Variants in CSMD1 observed in about 807,000 individuals in gnomAD.
CSMD1 encodes the protein CUB and Sushi multiple domains 1.
A neutral mutation model predicts 417.5 loss-of-function variants in CSMD1; 213 were observed. The observed-to-expected ratio is 0.51, with a 90% confidence interval of 0.46 to 0.57. The LOEUF is 0.57. Among genes scored for constraint, CSMD1 ranks in the 20% least tolerant of loss-of-function variants. The pLI is 0.00. For synonymous variants in CSMD1, 2,862 were observed against 1,736.8 expected, an observed-to-expected ratio of 1.65 and a Z score of -16.11; for missense variants, 6,923 against 4,529.7, an observed-to-expected ratio of 1.53 and a Z score of -15.17.
rs577760812 is a variant in CSMD1, at chr8:3,203,354, G to A, written c.4985-1629C>T. ...TGAGTCCCAGTGAGCAAACTCAATT[G>A]CCAAGAGAGAAAAGCTGTTCACTGC... On this transcript the variant is annotated intron_variant, in intron 31 of 69. Transcript: ENST00000635120. Among the ~76,000 whole-genome samples the A allele has an allele frequency of 4.5e-4, 69 of 152,208 alleles. 1 individual carries two copies. In the South Asian group the frequency reaches 0.014, roughly 31 times the overall value.
At chr8:3,884,964 G>C (rs901032110) in intron 5 of CSMD1, among the ~76,000 whole-genome samples, 2 of 149,036 alleles carry the variant, frequency 1.3e-5, no homozygotes, top group African/African-American at 2.5e-5. Flanking sequence ...CACACATTCA[G>C]AAGGCATCAT....
chr8:3,100,282 G>T (rs1332710118), intron 46 of CSMD1, among the ~76,000 whole-genome samples: 1 of 152,216 alleles, frequency 6.6e-6, no homozygotes. Flanking sequence ...TCCAACTCCT[G>T]GGCTCAAGCA....
chr8:3,553,124 G>GAAA (rs750104487), intron 10 of CSMD1, among the ~76,000 whole-genome samples: 2 of 146,362 alleles, frequency 1.4e-5, no homozygotes, highest in African/African-American at 2.5e-5. Flanking sequence ...TGGACAAGGA[G>GAAA]AAAAAAAAAA....
At chr8:2,997,695 T>C (rs76215231) in intron 54 of CSMD1, among the ~76,000 whole-genome samples, 3 of 152,158 alleles carry the variant, frequency 2.0e-5, no homozygotes, top group Non-Finnish European at 2.9e-5. Context: ...ATTAGAAGCA[T>C]AATGGCCCCC....
chr8:3,901,636 G>A (rs1310746036), intron 5 of CSMD1, among the ~76,000 whole-genome samples: 1 of 152,192 alleles, frequency 6.6e-6, no homozygotes, highest in African/African-American at 2.4e-5. Flanking sequence ...AAGTAAAACA[G>A]TATCTGGCTC....
At chr8:3,358,070 G>A (rs1808912676) in intron 21 of CSMD1, among the ~76,000 whole-genome samples, 1 of 152,158 alleles carries the variant, frequency 6.6e-6, no homozygotes, top group Non-Finnish European at 1.5e-5. Flanking sequence ...AAGAGATTCT[G>A]CACCATGGTA....
At chr8:3,415,501 G>A (rs778561702) in intron 12 of CSMD1, among the ~76,000 whole-genome samples, 5 of 152,148 alleles carry the variant, frequency 3.3e-5, no homozygotes, top group Non-Finnish European at 7.3e-5. Flanking sequence ...GGGATTATAC[G>A]CATGCATCAT....
chr8:3,206,359 T>G (rs1797260285), intron 30 of CSMD1, among the ~76,000 whole-genome samples: 1 of 130,142 alleles, frequency 7.7e-6, no homozygotes, highest in African/African-American at 3.0e-5. Context: ...TGTGTGTATG[T>G]GTGTATTGGG....
At chr8:4,787,371 T>G (rs1334188819) in intron 1 of CSMD1, 1 of 730,822 alleles carries the variant, frequency 1.4e-6, no homozygotes, top group Non-Finnish European at 2.5e-6. Context: ...TAAAAAATTG[T>G]ATGAGGGTAA....
At chr8:3,513,362 G>A (rs1042125481) in intron 10 of CSMD1, among the ~76,000 whole-genome samples, 1 of 149,216 alleles carries the variant, frequency 6.7e-6, no homozygotes, top group African/African-American at 2.5e-5. Context: ...TTGAGATGGA[G>A]TCTTACTTTG....
At position 4,611,511 on chromosome 8, in the gene CSMD1, A is replaced by C. The variant is rs575524728; in HGVS notation, c.302+25831T>G. 6.6e-5 allele frequency among the ~76,000 whole-genome samples: 10 copies of C among 152,258 alleles called. No individual in the cohort carries two copies. The South Asian group carries it at 2.1e-3, about 32-fold the overall frequency. On this transcript the variant is annotated intron_variant, in intron 2 of 69. Transcript: ENST00000635120. ...GCCTAGATATAAAACTTGTGGATAA[A>C]ACTATCGCAATTTATTAAGACCCGT...
At chr8:4,298,288 A>G (rs556958173) in intron 3 of CSMD1, among the ~76,000 whole-genome samples, 4 of 152,332 alleles carry the variant, frequency 2.6e-5, no homozygotes, top group Admixed American at 6.5e-5. Context: ...TTACAATAAT[A>G]ATGTTTGATT....
chr8:3,457,074 A>T (rs1161500280), intron 12 of CSMD1, among the ~76,000 whole-genome samples: 1 of 150,750 alleles, frequency 6.6e-6, no homozygotes, highest in Non-Finnish European at 1.5e-5. Flanking sequence ...TGTATCCCTC[A>T]TTCTGCACCT....
intron 3 of CSMD1, among the ~76,000 whole-genome samples, chr8:4,238,887 C>T (rs1011109405): frequency 6.6e-6 from 1 of 152,062 alleles, no homozygotes; most frequent in Non-Finnish European, 1.5e-5. Context: ...TTAGCAAATG[C>T]TTTTTTGAGT....
chr8:4,289,674 A>C (rs1797253002), intron 3 of CSMD1, among the ~76,000 whole-genome samples: 1 of 152,176 alleles, frequency 6.6e-6, no homozygotes, highest in Non-Finnish European at 1.5e-5. Context: ...ACATGTGCTC[A>C]AGACATGAGC....
At chr8:3,414,159 A>G (rs1585129207) in intron 12 of CSMD1, among the ~76,000 whole-genome samples, 2 of 149,082 alleles carry the variant, frequency 1.3e-5, no homozygotes, top group Non-Finnish European at 3.0e-5. Flanking sequence ...AAAAAAAAAA[A>G]AAGAAGCAAA....
intron 20 of CSMD1, 67 bp from the exon 21 acceptor site, chr8:3,359,407 GA>G (rs1809007784): frequency 7.0e-6 from 5 of 715,298 alleles, no homozygotes; most frequent in Non-Finnish European, 7.8e-6. Flanking sequence ...TAAATAGCAA[GA>G]ATAAAAAGTG....
At chr8:4,736,404 G>A (rs1810236933) in intron 1 of CSMD1, among the ~76,000 whole-genome samples, 1 of 152,086 alleles carries the variant, frequency 6.6e-6, no homozygotes, top group Non-Finnish European at 1.5e-5. Flanking sequence ...AGAGAGCAAT[G>A]ATTTAGAAAT....
At chr8:4,015,732 C>T (rs1254674275) in intron 4 of CSMD1, among the ~76,000 whole-genome samples, 3 of 144,834 alleles carry the variant, frequency 2.1e-5, no homozygotes, top group Non-Finnish European at 3.0e-5. Flanking sequence ...TTGAAAAATA[C>T]TGACAATGTG....
Sources: gnomAD v4.1 joint callset for allele counts (sites outside exome capture counted in the v4.1 genomes callset) on GRCh38, gnomAD v4.1.1 for gene constraint, MANE v1.5 for transcripts, NCBI Gene and HGNC (gene_info 2026-07-23, HGNC 2026-07-21) for gene names.